Variants in ROBO2 observed in about 807,000 individuals in gnomAD.
ROBO2 encodes the protein roundabout guidance receptor 2, also known as roundabout homolog 2.
ROBO2 carries 53 observed loss-of-function variants against 160.8 expected under a neutral mutation model. That is an observed-to-expected ratio of 0.33 (90% CI 0.26 to 0.41). The LOEUF is 0.41. Ranked by LOEUF, ROBO2 falls within the 10% of genes least tolerant of loss-of-function variation. The pLI, the probability that ROBO2 is intolerant of heterozygous loss-of-function variation, is 1.00. For missense variants in ROBO2, 1,577 were observed against 1,722.4 expected, an observed-to-expected ratio of 0.92 and a Z score of 1.49; for synonymous variants, 664 against 611.7, an observed-to-expected ratio of 1.09 and a Z score of -1.26.
chr3:77,602,298 C>G, exon 20 of ROBO2: 1 of 1,614,120 alleles, frequency 6.2e-7, no homozygotes. Context: ...ACTTCACTAC[C>G]AAAACCAGTT....
intron 1 of ROBO2, among the ~76,000 whole-genome samples, chr3:77,094,749 A>C (rs1479747731): frequency 6.6e-6 from 1 of 152,060 alleles, no homozygotes; most frequent in African/African-American, 2.4e-5. Context: ...AGTGTATTTC[A>C]TTGTAGTTTC....
At chr3:77,326,752 A>G (rs1328947080) in intron 2 of ROBO2, among the ~76,000 whole-genome samples, 1 of 152,204 alleles carries the variant, frequency 6.6e-6, no homozygotes, top group Non-Finnish European at 1.5e-5. Flanking sequence ...TCCCTCTGAG[A>G]AAGCAGCTTC....
chr3:76,083,189 G>C (rs78977576), intron 2 of ROBO2, among the ~76,000 whole-genome samples: 218 of 152,008 alleles, frequency 1.4e-3, no homozygotes, highest in African/African-American at 5.1e-3. Context: ...TGCAGGCCTG[G>C]GGCCCAAGAG....
chr3:76,531,980 G>A (rs189110916), intron 2 of ROBO2, among the ~76,000 whole-genome samples: 14 of 152,256 alleles, frequency 9.2e-5, no homozygotes, highest in African/African-American at 2.9e-4. Flanking sequence ...TCTGGTAAGA[G>A]TTTAGGCAGG....
intron 2 of ROBO2, among the ~76,000 whole-genome samples, chr3:76,303,029 T>G (rs1313697110): frequency 6.6e-6 from 1 of 152,176 alleles, no homozygotes; most frequent in African/African-American, 2.4e-5. Context: ...TTTATGTAAT[T>G]GATGTAGCAT....
At chr3:76,035,235 G>A (rs1053587349) in intron 2 of ROBO2, among the ~76,000 whole-genome samples, 3 of 149,340 alleles carry the variant, frequency 2.0e-5, no homozygotes, top group Non-Finnish European at 4.4e-5. Context: ...ACAATGTCTG[G>A]CACATATTTG....
chr3:77,326,646 C>G (rs1037639146), intron 2 of ROBO2, among the ~76,000 whole-genome samples: 4 of 152,086 alleles, frequency 2.6e-5, no homozygotes, highest in African/African-American at 9.7e-5. Flanking sequence ...TCAAACAAAT[C>G]ACAAAGGTCT....
At chr3:77,318,330 A>G (rs2064288594) in intron 2 of ROBO2, among the ~76,000 whole-genome samples, 2 of 152,184 alleles carry the variant, frequency 1.3e-5, no homozygotes. Context: ...CACCACGCCC[A>G]GCTAGTAATG....
intron 2 of ROBO2, among the ~76,000 whole-genome samples, chr3:76,416,592 C>G (rs577849045): frequency 2.6e-5 from 4 of 151,956 alleles, no homozygotes; most frequent in Non-Finnish European, 5.9e-5. Flanking sequence ...CTCACTTTTG[C>G]CCATGTTTTG....
At chr3:77,558,134 G>C (rs1316651009) in exon 9 of ROBO2, 1 of 1,612,732 alleles carries the variant, frequency 6.2e-7, no homozygotes, top group African/African-American at 1.3e-5. Flanking sequence ...GCACACTGCA[G>C]ATTAAGAATT....
chr3:76,790,149 C>T (rs545334359), intron 2 of ROBO2, among the ~76,000 whole-genome samples: 1 of 151,728 alleles, frequency 6.6e-6, no homozygotes, highest in South Asian at 2.1e-4. Context: ...AAACTTTCCA[C>T]CCAGTCTGAA....
At chr3:77,130,352 G>C (rs529958630) in intron 2 of ROBO2, among the ~76,000 whole-genome samples, 1 of 152,184 alleles carries the variant, frequency 6.6e-6, no homozygotes, top group South Asian at 2.1e-4. Context: ...TTTTGAACTC[G>C]ATTAAGAAAG....
At chr3:77,420,182 A>G (rs919754444) in intron 2 of ROBO2, among the ~76,000 whole-genome samples, 9 of 152,092 alleles carry the variant, frequency 5.9e-5, no homozygotes, top group Non-Finnish European at 1.0e-4. Flanking sequence ...TTCTCAGTCT[A>G]CAGTGGTTCC....
chr3:76,219,977 C>T (rs1006702802), intron 2 of ROBO2, among the ~76,000 whole-genome samples: 1 of 151,898 alleles, frequency 6.6e-6, no homozygotes, highest in Admixed American at 6.6e-5. Flanking sequence ...CACATATACA[C>T]CATGGAATAC....
chr3:77,318,017 T>A (rs1461200234), intron 2 of ROBO2, among the ~76,000 whole-genome samples: 1 of 149,692 alleles, frequency 6.7e-6, no homozygotes, highest in Non-Finnish European at 1.5e-5. Flanking sequence ...TTTTATGTTA[T>A]TTATTTATTT....
intron 2 of ROBO2, among the ~76,000 whole-genome samples, chr3:76,523,291 T>C (rs1006616177): frequency 6.6e-6 from 1 of 152,126 alleles, no homozygotes; most frequent in Non-Finnish European, 1.5e-5. Context: ...GACTAGTCAC[T>C]TACAGAATAA....
chr3:77,553,303 C>G (rs1442275427), intron 8 of ROBO2, among the ~76,000 whole-genome samples: 3 of 151,892 alleles, frequency 2.0e-5, no homozygotes, highest in Non-Finnish European at 4.4e-5. Flanking sequence ...TGTGTGTGCT[C>G]TGGTTTCTTT....
chr3:76,631,372 T>C (rs1002967709), intron 2 of ROBO2, among the ~76,000 whole-genome samples: 4 of 152,104 alleles, frequency 2.6e-5, no homozygotes, highest in Non-Finnish European at 5.9e-5. Flanking sequence ...CTGGTAAAGA[T>C]TCCCTTGCTT....
intron 2 of ROBO2, among the ~76,000 whole-genome samples, chr3:76,407,578 A>T (rs991286893): frequency 6.6e-6 from 1 of 152,038 alleles, no homozygotes; most frequent in African/African-American, 2.4e-5. Context: ...CACGTTTCTG[A>T]TGAGAGCCAT....
Sources: allele counts gnomAD v4.1 joint callset (sites outside exome capture counted in the v4.1 genomes callset), GRCh38; gene constraint gnomAD v4.1.1; transcripts MANE v1.5; gene names NCBI Gene and HGNC (gene_info 2026-07-23, HGNC 2026-07-21).